The following AGBL1 variants were observed in gnomAD, a reference collection of about 807,000 sequenced individuals.
AGBL1 encodes the protein cytosolic carboxypeptidase 4.
AGBL1 carries 130 observed loss-of-function variants against 118.9 expected under a neutral mutation model. That is an observed-to-expected ratio of 1.09 (90% CI 0.95 to 1.26). The LOEUF (loss-of-function observed/expected upper bound fraction) is 1.26. Ranked by LOEUF, AGBL1 falls within the 50% of genes most tolerant of loss-of-function variation. The probability of loss-of-function intolerance (pLI) is 0.00; values close to 1 mark genes in which losing one functional copy is unlikely to be tolerated. For synonymous variants in AGBL1, 555 were observed against 478.9 expected, an observed-to-expected ratio of 1.16 and a Z score of -2.08; for missense variants, 1,584 against 1,298.1, an observed-to-expected ratio of 1.22 and a Z score of -3.38.
At chr15:86,597,726 T>C (rs1472563495) in intron 21 of AGBL1, among the ~76,000 whole-genome samples, 1 of 152,108 alleles carries the variant, frequency 6.6e-6, no homozygotes, top group East Asian at 1.9e-4. Flanking sequence ...CTATCACTTG[T>C]GTTTGGCAGA....
chr15:86,163,675 C>T (rs2077298001), intron 5 of AGBL1, among the ~76,000 whole-genome samples: 1 of 151,896 alleles, frequency 6.6e-6, no homozygotes, highest in African/African-American at 2.4e-5. Context: ...TTACAGTGAG[C>T]CAAGATCACA....
At chr15:86,338,391 G>A (rs2080407357) in intron 17 of AGBL1, among the ~76,000 whole-genome samples, 1 of 152,144 alleles carries the variant, frequency 6.6e-6, no homozygotes, top group African/African-American at 2.4e-5. Flanking sequence ...TGCAGACACT[G>A]GTAGCAGTTG....
chr15:86,565,131 C>T (rs140495422), intron 21 of AGBL1, among the ~76,000 whole-genome samples: 3,403 of 152,322 alleles, frequency 0.022, 65 homozygotes, highest in Middle Eastern at 0.065. Flanking sequence ...TCTCTCAAAT[C>T]GTCAAAGTCA....
intron 21 of AGBL1, among the ~76,000 whole-genome samples, chr15:86,653,906 T>C (rs1296441601): frequency 2.0e-5 from 3 of 152,036 alleles, no homozygotes; most frequent in Non-Finnish European, 2.9e-5. Context: ...TTTCCAACTC[T>C]CAACTTTGTG....
intron 22 of AGBL1, among the ~76,000 whole-genome samples, chr15:86,756,442 C>T (rs1489528939): frequency 1.3e-5 from 2 of 150,110 alleles, no homozygotes; most frequent in Admixed American, 6.6e-5. Flanking sequence ...CTGTTGGCTC[C>T]TGACTAAGTA....
chr15:86,176,822 A>G (rs80325220), intron 5 of AGBL1, among the ~76,000 whole-genome samples: 2,803 of 152,280 alleles, frequency 0.018, 91 homozygotes, highest in African/African-American at 0.062. Context: ...TTCAGGGCCC[A>G]TGAGGGCTGA....
chr15:86,759,897 C>T (rs1596456961), intron 22 of AGBL1, among the ~76,000 whole-genome samples: 1 of 152,054 alleles, frequency 6.6e-6, no homozygotes, highest in African/African-American at 2.4e-5. Context: ...ACCTTATCAC[C>T]TTTCCTAGAG....
rs565448198 is a variant in AGBL1 at position 86,345,660 on chromosome 15, G to T, written c.2374+50252G>T. Among the ~76,000 whole-genome samples, 8 of 152,324 alleles carry T rather than the reference G, an allele frequency of 5.3e-5. 1 individual carries two copies. In the East Asian group the frequency reaches 9.7e-4, roughly 18 times the overall value. On this transcript the variant is annotated intron_variant, in intron 17 of 22. Transcript: ENST00000614907. ...CTGAAATCTCTAACTTTTTCTAAAA[G>T]TTGAAGATGTTGGGCCATTTTTCTA...
intron 18 of AGBL1, among the ~76,000 whole-genome samples, chr15:86,469,331 T>C (rs1427009419): frequency 1.3e-5 from 2 of 152,168 alleles, no homozygotes; most frequent in Non-Finnish European, 2.9e-5. Flanking sequence ...AGTGAGACCA[T>C]GTAGTATTTA....
At chr15:86,581,602 C>A (rs906375580) in intron 21 of AGBL1, among the ~76,000 whole-genome samples, 2 of 152,154 alleles carry the variant, frequency 1.3e-5, no homozygotes, top group African/African-American at 4.8e-5. Context: ...GTTTCCATAA[C>A]AAATCAATTT....
intron 23 of AGBL1, among the ~76,000 whole-genome samples, chr15:86,970,685 C>T (rs899390275): frequency 3.3e-5 from 5 of 151,854 alleles, no homozygotes; most frequent in African/African-American, 1.2e-4. Flanking sequence ...CAAGGGAAAA[C>T]ATTACAAAGC....
intron 5 of AGBL1, among the ~76,000 whole-genome samples, chr15:86,209,791 A>G (rs1051420037): frequency 2.0e-5 from 3 of 152,150 alleles, no homozygotes; most frequent in Non-Finnish European, 4.4e-5. Context: ...GTGTCTTTTA[A>G]TTGGGGCATT....
intron 22 of AGBL1, among the ~76,000 whole-genome samples, chr15:86,833,839 G>T (rs1329329796): frequency 6.6e-6 from 1 of 152,074 alleles, no homozygotes; most frequent in African/African-American, 2.4e-5. Context: ...TGCAAAAATA[G>T]AATTTACACA....
At chr15:86,378,047 G>A (rs1160607370) in intron 17 of AGBL1, among the ~76,000 whole-genome samples, 1 of 152,126 alleles carries the variant, frequency 6.6e-6, no homozygotes, top group Admixed American at 6.5e-5. Context: ...ACAAACCTGG[G>A]CTTCATGCTT....
chr15:86,699,826 A>G (rs1019483181), intron 22 of AGBL1, among the ~76,000 whole-genome samples: 10 of 152,044 alleles, frequency 6.6e-5, no homozygotes, highest in Non-Finnish European at 2.9e-5. Context: ...TTTTCCTTGT[A>G]ACTAATAGCT....
intron 22 of AGBL1, among the ~76,000 whole-genome samples, chr15:86,870,472 A>G (rs2079708375): frequency 8.9e-5 from 3 of 33,758 alleles, no homozygotes; most frequent in Non-Finnish European, 2.2e-4. Flanking sequence ...AAAAAAAAAA[A>G]AAAAAAAAAA....
chr15:86,820,534 C>T (rs1567190246), intron 22 of AGBL1, among the ~76,000 whole-genome samples: 1 of 152,178 alleles, frequency 6.6e-6, no homozygotes, highest in Non-Finnish European at 1.5e-5. Flanking sequence ...TGAACAAACA[C>T]TTCTCAAAGG....
intron 22 of AGBL1, among the ~76,000 whole-genome samples, chr15:86,809,095 A>G (rs936658135): frequency 1.3e-5 from 2 of 152,158 alleles, no homozygotes; most frequent in African/African-American, 2.4e-5. Context: ...TCAATTTCCA[A>G]CAATGTAAGG....
intron 22 of AGBL1, among the ~76,000 whole-genome samples, chr15:86,725,764 C>A (rs1213548326): frequency 6.6e-6 from 1 of 152,160 alleles, no homozygotes; most frequent in Non-Finnish European, 1.5e-5. Context: ...GGTAGGTATG[C>A]ATTATATGCA....
Sources: allele counts gnomAD v4.1 joint callset (sites outside exome capture counted in the v4.1 genomes callset), GRCh38; gene constraint gnomAD v4.1.1; transcripts MANE v1.5; gene names NCBI Gene and HGNC (gene_info 2026-07-23, HGNC 2026-07-21).